VAV2: variants seen among roughly 807,000 people sequenced by gnomAD.
VAV2 encodes the protein vav guanine nucleotide exchange factor 2, also known as guanine nucleotide exchange factor VAV2.
In VAV2, 67 loss-of-function variants were observed where a neutral mutation model predicts 132.5. The ratio of observed to expected loss-of-function variants is 0.51; its 90% CI spans 0.42 to 0.62. VAV2 has a LOEUF of 0.62. VAV2 is among the 20% of genes least tolerant of loss of function. The probability of loss-of-function intolerance (pLI) is 0.00; values close to 1 mark genes in which losing one functional copy is unlikely to be tolerated. For synonymous variants in VAV2, 492 were observed against 443.5 expected (o/e 1.11, Z -1.37); for missense variants, 938 against 1,153.6 (o/e 0.81, Z 2.71).
intron 2 of VAV2, among the ~76,000 whole-genome samples, chr9:133,880,142 AG>A (rs3837289): frequency 0.11 from 16,176 of 152,262 alleles, 961 homozygotes; most frequent in South Asian, 0.19. Flanking sequence ...CTGCAGGAAG[AG>A]GGGCTAGGCA....
chr9:133,769,851 T>G lies in VAV2; in HGVS notation c.2348-348A>C, dbSNP rs537446871. Among the ~76,000 whole-genome samples, 1 of 152,322 alleles carries G rather than the reference T, an allele frequency of 6.6e-6. No individual in the cohort carries two copies. Among genetic ancestry groups the G allele is most frequent in the Admixed American group, 6.5e-5 (1 of 15,308 alleles). ...TCGGCCTGTGTGAGACCCATGGCCC[T>G]GCAGGACCCTGCAGGCTGGAGGACG... On this transcript the variant is annotated intron_variant, in intron 27 of 29. Coordinates refer to ENST00000371850, the MANE Select transcript of VAV2 (RefSeq NM_001134398.2). This position sits in a 1 kb window ranked among gnomAD's most constrained non-coding sequence, Gnocchi z 8.1.
At chr9:133,985,802 G>T in intron 1 of VAV2, among the ~76,000 whole-genome samples, 1 of 152,120 alleles carries the variant, frequency 6.6e-6, no homozygotes, top group East Asian at 1.9e-4. Flanking sequence ...GAAGCAAGCC[G>T]GTGTAACACA....
intron 12 of VAV2, among the ~76,000 whole-genome samples, chr9:133,793,416 C>T (rs1834579838): frequency 6.6e-6 from 1 of 152,208 alleles, no homozygotes; most frequent in African/African-American, 2.4e-5. Context: ...CCCCACCCAC[C>T]CCGCAGGAGG....
Position 133,789,267 on chromosome 9 carries a change from T to A in VAV2, c.1265A>T (p.Lys422Met). The A allele has an allele frequency of 1.2e-6, 2 of 1,614,140 alleles. No individual in the cohort carries two copies. Among genetic ancestry groups the A allele is most frequent in the Non-Finnish European group, 1.7e-6 (2 of 1,180,024 alleles). Residue 422 changes from lysine (K) to methionine (M), a missense_variant, in exon 14 of 30, where the codon AAG becomes ATG. Coordinates refer to ENST00000371850, the MANE Select transcript of VAV2 (RefSeq NM_001134398.2). ...LKVRSIVNHT[K>M]QDRYLFLFDK... ...CACGCGCCCTGCTCACCTGTCCTGC[T>A]TGGTGTGGTTGACTATGGACCGGAC...
chr9:133,891,054 G>C (rs1015398672), intron 2 of VAV2, among the ~76,000 whole-genome samples: 1 of 151,816 alleles, frequency 6.6e-6, no homozygotes. Flanking sequence ...AGGTAGAGGA[G>C]TGAAAAATGT....
At chr9:133,971,974 G>A (rs13302077) in intron 1 of VAV2, among the ~76,000 whole-genome samples, 40,615 of 152,032 alleles carry the variant, frequency 0.27, 5,781 homozygotes, top group Middle Eastern at 0.34. Flanking sequence ...GGCATGGCCC[G>A]GATTCACCAG....
chr9:133,908,124 C>A (rs910580767), intron 2 of VAV2, among the ~76,000 whole-genome samples: 2 of 151,336 alleles, frequency 1.3e-5, no homozygotes, highest in Admixed American at 1.3e-4. Flanking sequence ...CCCACCAAGC[C>A]CCCCTTCCTT....
rs1374077256 is a variant in VAV2 at position 133,883,601 on chromosome 9, C to T, written c.322-22169G>A. Among the ~76,000 whole-genome samples the T allele has an allele frequency of 1.3e-5, 2 of 152,230 alleles. No individual in the cohort carries two copies. Among genetic ancestry groups the T allele is most frequent in the African/African-American group, 2.4e-5 (1 of 41,460 alleles). On this transcript the variant is annotated intron_variant, in intron 2 of 29. Transcript: ENST00000371850. The surrounding 1 kb of genome is among the most constrained non-coding windows in gnomAD (Gnocchi z 4.2). ...GTCATCCCCAGCCACGGCAGGCAGG[C>T]GGCCCAGCAGCAGGCAGGTTTCAGC...
At chr9:133,783,985 A>T (rs1433573616) in intron 18 of VAV2, among the ~76,000 whole-genome samples, 1 of 148,506 alleles carries the variant, frequency 6.7e-6, no homozygotes, top group Non-Finnish European at 1.5e-5. Context: ...GACTTATTCA[A>T]TTCTCCCACA....
intron 4 of VAV2, among the ~76,000 whole-genome samples, chr9:133,822,288 C>T (rs1005468020): frequency 6.6e-6 from 1 of 152,210 alleles, no homozygotes; most frequent in South Asian, 2.1e-4. Flanking sequence ...TCTGATGCTG[C>T]CAAGCAGGGT....
Position 133,941,174 on chromosome 9 carries a change from G to A in VAV2, c.205-1955C>T, listed in dbSNP as rs576394407. ...TGTAATCCCAGCACTTTAGGAGGCC[G>A]AGGCGGGTAGATCACTAGAGGTCAG... On this transcript the variant is annotated intron_variant, in intron 1 of 29. Transcript: ENST00000371850. 5.3e-5 allele frequency among the ~76,000 whole-genome samples: 8 copies of A among 152,284 alleles called. No homozygotes were observed. The South Asian group carries it at 1.0e-3, about 20-fold the overall frequency.
chr9:133,992,117 G>A lies in VAV2; in HGVS notation c.162C>T (p.Ser54=). Residue 54 remains serine, a synonymous_variant, in exon 1 of 30, where the codon TCC becomes TCT. Transcript: ENST00000371850. The surrounding 1 kb of genome is among the most constrained non-coding windows in gnomAD (Gnocchi z 5.5). ...CQLLHNLSPG[S]IDLKDINFRP... ...GGAAGTTGATGTCCTTGAGGTCGAT[G>A]GAGCCGGGGGAGAGGTTGTGCAGCA... 1 of 1,591,428 alleles carries A rather than the reference G, an allele frequency of 6.3e-7. No individual in the cohort carries two copies.
rs1451313843 is a variant in VAV2 at position 133,912,857 on chromosome 9, G to A, written c.321+26246C>T. Among the ~76,000 whole-genome samples, 6 of 152,088 alleles carry A rather than the reference G, an allele frequency of 3.9e-5. No individual in the cohort carries two copies. Among genetic ancestry groups the A allele is most frequent in the Non-Finnish European group, 8.8e-5 (6 of 68,028 alleles). On this transcript the variant is annotated intron_variant, in intron 2 of 29. Coordinates refer to ENST00000371850, the MANE Select transcript of VAV2 (RefSeq NM_001134398.2). This position sits in a 1 kb window ranked among gnomAD's most constrained non-coding sequence, Gnocchi z 4.3. ...TCGTCCTGTGAGCCAGTGACCACTC[G>A]TCCCAAACATAGCTTCTATTCATCA...
chr9:133,859,835 C>T (rs1393985925), intron 3 of VAV2, among the ~76,000 whole-genome samples: 2 of 152,174 alleles, frequency 1.3e-5, no homozygotes, highest in African/African-American at 2.4e-5. Context: ...ACAGACTTTG[C>T]ACCAGCTGGA....
chr9:133,847,865 C>A (rs1836998545), intron 3 of VAV2, among the ~76,000 whole-genome samples: 1 of 152,150 alleles, frequency 6.6e-6, no homozygotes, highest in African/African-American at 2.4e-5. Flanking sequence ...TCCAGAAGGG[C>A]CACAGTGACA....
chr9:133,820,481 G>A (rs977991049), intron 4 of VAV2, among the ~76,000 whole-genome samples: 31 of 152,060 alleles, frequency 2.0e-4, no homozygotes, highest in African/African-American at 6.7e-4. Flanking sequence ...CCAGCACCAC[G>A]CCCGGCTAAT....
intron 16 of VAV2, among the ~76,000 whole-genome samples, chr9:133,786,535 G>GC (rs144718404): frequency 0.031 from 4,686 of 152,264 alleles, 101 homozygotes; most frequent in Non-Finnish European, 0.048. Flanking sequence ...CCCACCCAGG[G>GC]CCCCTCCACG....
At position 133,986,683 on chromosome 9, in the gene VAV2, T is replaced by G. The variant is rs1427627217; in HGVS notation, c.204+5392A>C. Among the ~76,000 whole-genome samples, 3 of 152,242 alleles carry G rather than the reference T, an allele frequency of 2.0e-5. No individual in the cohort carries two copies. The East Asian group carries it at 5.8e-4, about 29-fold the overall frequency. ...CCAATGACTGAGATATTTTCAAATT[T>G]TTTTAGACAATAAAATCTATCCCCC... On this transcript the variant is annotated intron_variant, in intron 1 of 29. Coordinates refer to ENST00000371850, the MANE Select transcript of VAV2 (RefSeq NM_001134398.2).
chr9:133,847,537 C>T (rs893656756), intron 3 of VAV2, among the ~76,000 whole-genome samples: 1 of 152,176 alleles, frequency 6.6e-6, no homozygotes, highest in African/African-American at 2.4e-5. Context: ...TACCAAGAAC[C>T]GAACGGGAAG....
Sources: allele counts gnomAD v4.1 joint callset (sites outside exome capture counted in the v4.1 genomes callset), GRCh38; gene constraint gnomAD v4.1.1; non-coding constraint Gnocchi (gnomAD v3.1); transcripts MANE v1.5; gene names NCBI Gene and HGNC (gene_info 2026-07-23, HGNC 2026-07-21).